Variants in STAT4 observed in about 807,000 individuals in gnomAD.
STAT4 encodes signal transducer and activator of transcription 4.
A neutral mutation model predicts 110.5 loss-of-function variants in STAT4; 42 were observed. That is an observed-to-expected ratio of 0.38 (90% CI 0.30 to 0.49). The LOEUF (loss-of-function observed/expected upper bound fraction) is 0.49, where lower values mean the gene tolerates loss of function less well. STAT4 is among the 20% of genes least tolerant of loss of function. The pLI, the probability that STAT4 is intolerant of heterozygous loss-of-function variation, is 0.95. For synonymous variants in STAT4, 284 were observed against 302.2 expected (o/e 0.94, Z 0.63); for missense variants, 632 against 887.9 (o/e 0.71, Z 3.66).
chr2:191,099,812 T>C lies in STAT4; in HGVS notation c.274-23487A>G, dbSNP rs1205130437. On this transcript the variant is annotated intron_variant, in intron 3 of 23. Transcript: ENST00000392320. This position sits in a 1 kb window ranked among gnomAD's most constrained non-coding sequence, Gnocchi z 4.1. Reference sequence around the variant, plus strand: ...AAGAAGTGGGATAAAAAGAAGTTTGTAATTAAAAAGCTACATGTATATTAT... The same window carrying C: ...AAGAAGTGGGATAAAAAGAAGTTTGCAATTAAAAAGCTACATGTATATTAT... Among the ~76,000 whole-genome samples the C allele has an allele frequency of 1.3e-5, 2 of 152,156 alleles. No homozygotes were observed. The highest frequency in any genetic ancestry group is 4.8e-5 in the African/African-American group (2 of 41,446).
At chr2:191,065,803 T>C (rs759072005) in intron 7 of STAT4, among the ~76,000 whole-genome samples, 1 of 152,208 alleles carries the variant, frequency 6.6e-6, no homozygotes, top group Non-Finnish European at 1.5e-5. Context: ...AGAAATGAAC[T>C]ACTGATTTAT....
At chr2:191,067,893 A>G (rs945885313) in intron 6 of STAT4, among the ~76,000 whole-genome samples, 1 of 152,218 alleles carries the variant, frequency 6.6e-6, no homozygotes, top group Admixed American at 6.5e-5. Flanking sequence ...ATTGTGAAAA[A>G]GAGGCCCCAG....
At chr2:191,064,550 T>C (rs1432245028) in intron 8 of STAT4, among the ~76,000 whole-genome samples, 11 of 152,240 alleles carry the variant, frequency 7.2e-5, no homozygotes, top group Admixed American at 7.2e-4. Flanking sequence ...CAAAATTTAT[T>C]CGAGTCTTTT....
chr2:191,059,177 T>A lies in STAT4; in HGVS notation c.1035-408A>T, dbSNP rs1234148309. Among the ~76,000 whole-genome samples, 1 of 152,238 alleles carries A rather than the reference T, an allele frequency of 6.6e-6. No homozygotes were observed. Among genetic ancestry groups the A allele is most frequent in the Non-Finnish European group, 1.5e-5 (1 of 68,040 alleles). On this transcript the variant is annotated intron_variant, in intron 10 of 23. Transcript: ENST00000392320. The surrounding 1 kb of genome is among the most constrained non-coding windows in gnomAD (Gnocchi z 4.7). ...CAAAAAAGCACTTTGTGAGCTTTAA[T>A]GATAAGTGTTTTATGGTGAACATAC... is the stretch of plus-strand genomic sequence containing the variant.
intron 3 of STAT4, chr2:191,131,619 G>A: frequency 2.0e-6 from 1 of 510,602 alleles, no homozygotes; most frequent in Non-Finnish European, 3.0e-6. Flanking sequence ...CAGGCGGAAA[G>A]AGAGCAGAGT....
rs1413847782 is a variant in STAT4 at position 191,099,363 on chromosome 2, T to C, written c.274-23038A>G. ...TAGCAAGTCCATATCTAGGAATCCA[T>C]CCAATAAAAATAAAAGCACTGGCCC... On this transcript the variant is annotated intron_variant, in intron 3 of 23. Coordinates refer to ENST00000392320, the MANE Select transcript of STAT4 (RefSeq NM_003151.4). The surrounding 1 kb of genome is among the most constrained non-coding windows in gnomAD (Gnocchi z 4.1). Among the ~76,000 whole-genome samples the C allele has an allele frequency of 6.6e-6, 1 of 152,102 alleles. No individual in the cohort carries two copies. Among genetic ancestry groups the C allele is most frequent in the African/African-American group, 2.4e-5 (1 of 41,432 alleles).
In STAT4 at chr2:191,042,801, T is replaced by C. The variant is rs1996400; in HGVS notation, c.1252-1653A>G. Among the ~76,000 whole-genome samples, 130,848 of 151,412 alleles carry C rather than the reference T, an allele frequency of 0.86. 58,012 individuals carry two copies. The highest frequency in any genetic ancestry group is 1 in the East Asian group (5,150 of 5,162). ...TCTTTTTTTTTTTTCTTTTTTGAGA[T>C]GCAGTTTTGCTCTTGTTGCCCAGGC... On this transcript the variant is annotated intron_variant, in intron 14 of 23. Transcript: ENST00000392320. The surrounding 1 kb of genome is among the most constrained non-coding windows in gnomAD (Gnocchi z 4.2).
Position 191,104,859 on chromosome 2 carries a change from GC to G in STAT4, c.274-28535del, listed in dbSNP as rs1337842322. ...TGGACTAAGACTGAGACCACCTGGT[GC>G]TTGAGCAGAAAAAAGTCCCAATGGC... On this transcript the variant is annotated intron_variant, in intron 3 of 23. Transcript: ENST00000392320. This position sits in a 1 kb window ranked among gnomAD's most constrained non-coding sequence, Gnocchi z 4.3. Among the ~76,000 whole-genome samples the G allele has an allele frequency of 3.3e-5, 5 of 152,214 alleles. No homozygotes were observed. In the East Asian group the frequency reaches 9.7e-4, roughly 29 times the overall value.
chr2:191,033,417 C>T lies in STAT4; in HGVS notation c.1852+73G>A. ...AGACAGATCAACACACCATACACTT[C>T]CAAAAACTGAAATCCCAGTAACCAA... On this transcript the variant is annotated intron_variant, in intron 20 of 23. Coordinates refer to ENST00000392320, the MANE Select transcript of STAT4 (RefSeq NM_003151.4). This position sits in a 1 kb window ranked among gnomAD's most constrained non-coding sequence, Gnocchi z 6.9. 1 of 1,512,974 alleles carries T rather than the reference C, an allele frequency of 6.6e-7. No homozygotes were observed. The highest frequency in any genetic ancestry group is 8.9e-7 in the Non-Finnish European group (1 of 1,122,560). The allele number at this position is 1,512,974 out of a possible 1,614,324, so 93.7% of individuals were successfully genotyped here.
chr2:191,134,103 A>C (rs376539586), intron 3 of STAT4, among the ~76,000 whole-genome samples: 1 of 152,206 alleles, frequency 6.6e-6, no homozygotes, highest in African/African-American at 2.4e-5. Flanking sequence ...ACACCTGAGC[A>C]ATCCTTCCAA....
chr2:191,032,860 G>A lies in STAT4; in HGVS notation c.2044+98C>T, dbSNP rs1574691673. ...GCCCTTAGATCTTACAGAAATCAGA[G>A]TAAACAAGAAGGGGAACTTCATTTA... On this transcript the variant is annotated intron_variant, in intron 21 of 23. Transcript: ENST00000392320. This position sits in a 1 kb window ranked among gnomAD's most constrained non-coding sequence, Gnocchi z 4.9. The A allele has an allele frequency of 3.2e-6, 4 of 1,252,738 alleles. No individual in the cohort carries two copies. The highest frequency in any genetic ancestry group is 4.8e-5 in the Admixed American group (2 of 41,582). 77.6% of individuals were successfully genotyped at this position (1,252,738 alleles called of 1,614,324 possible). A position where few individuals can be genotyped will look rare whatever the true frequency, so the allele number is the denominator to read the frequency against.
intron 3 of STAT4, among the ~76,000 whole-genome samples, chr2:191,092,600 C>G (rs1230797451): frequency 6.6e-6 from 1 of 151,808 alleles, no homozygotes; most frequent in Middle Eastern, 3.2e-3. Flanking sequence ...TGAATAGGAA[C>G]AGCTCCAGTC....
At chr2:191,095,071 G>A (rs1157557730) in intron 3 of STAT4, among the ~76,000 whole-genome samples, 1 of 152,120 alleles carries the variant, frequency 6.6e-6, no homozygotes, top group South Asian at 2.1e-4. Flanking sequence ...AAACATATAT[G>A]CACCCAATAT....
chr2:191,049,342 A>AT (rs1222283134), intron 14 of STAT4, among the ~76,000 whole-genome samples: 4 of 151,608 alleles, frequency 2.6e-5, no homozygotes, highest in African/African-American at 9.7e-5. Context: ...CTCCTGGCTA[A>AT]TTTTTTGTAT....
In STAT4 at chr2:191,037,134, T is replaced by C. The variant is rs16833198; in HGVS notation, c.1435-835A>G. On this transcript the variant is annotated intron_variant, in intron 16 of 23. Coordinates refer to ENST00000392320, the MANE Select transcript of STAT4 (RefSeq NM_003151.4). This position sits in a 1 kb window ranked among gnomAD's most constrained non-coding sequence, Gnocchi z 4.8. ...CAATATTCATCCTAAACAAAACTTA[T>C]ATCATATTATTTAATTGGTTTATCG... Among the ~76,000 whole-genome samples, 714 of 152,214 alleles carry C rather than the reference T, an allele frequency of 4.7e-3. 6 individuals carry two copies. Among genetic ancestry groups the C allele is most frequent in the Middle Eastern group, 0.031 (9 of 294 alleles).
chr2:191,076,764 G>A (rs1697329254), intron 3 of STAT4, among the ~76,000 whole-genome samples: 1 of 151,552 alleles, frequency 6.6e-6, no homozygotes, highest in Non-Finnish European at 1.5e-5. Context: ...TCCTGCCTCA[G>A]GCTCCCAAGT....
intron 13 of STAT4, among the ~76,000 whole-genome samples, chr2:191,055,987 T>G (rs150634434): frequency 1.3e-5 from 2 of 152,214 alleles, no homozygotes; most frequent in African/African-American, 4.8e-5. Context: ...ATGTTTATAA[T>G]ACATTATTCT....
intron 16 of STAT4, among the ~76,000 whole-genome samples, chr2:191,038,424 C>T (rs1696101832): frequency 6.6e-6 from 1 of 152,182 alleles, no homozygotes; most frequent in South Asian, 2.1e-4. Context: ...GTTCTTACTA[C>T]TGGGATCTAA....
In STAT4 at chr2:191,138,216, C is replaced by CA. The variant is rs975637814; in HGVS notation, c.273+8396dup. Among the ~76,000 whole-genome samples, 14 of 151,118 alleles carry CA rather than the reference C, an allele frequency of 9.3e-5. No homozygotes were observed. Among genetic ancestry groups the CA allele is most frequent in the African/African-American group, 2.4e-4 (10 of 41,120 alleles). ...GGCAAAAATATGAATAGACATTTCT[C>CA]AAAAAAAACTAAATCCAAACCCAGC... On this transcript the variant is annotated intron_variant, in intron 3 of 23. Transcript: ENST00000392320. This position sits in a 1 kb window ranked among gnomAD's most constrained non-coding sequence, Gnocchi z 4.3.
Sources: allele counts gnomAD v4.1 joint callset (sites outside exome capture counted in the v4.1 genomes callset), GRCh38; gene constraint gnomAD v4.1.1; non-coding constraint Gnocchi (gnomAD v3.1); transcripts MANE v1.5; gene names NCBI Gene and HGNC (gene_info 2026-07-23, HGNC 2026-07-21).